PPFIA2: variants seen among roughly 807,000 people sequenced by gnomAD.
PPFIA2 encodes PPFI scaffold protein A2, also known as liprin-alpha-2.
Under a neutral mutation model 175.5 loss-of-function variants are expected in PPFIA2, and 46 were observed. That is an observed-to-expected ratio of 0.26 (90% CI 0.21 to 0.34). The LOEUF (loss-of-function observed/expected upper bound fraction) is 0.34, where lower values mean the gene tolerates loss of function less well. PPFIA2 is among the 10% of genes least tolerant of loss of function. The pLI, the probability that PPFIA2 is intolerant of heterozygous loss-of-function variation, is 1.00. For missense variants in PPFIA2, 1,179 were observed against 1,506.1 expected (o/e 0.78, Z 3.60); for synonymous variants, 568 against 511.4 (o/e 1.11, Z -1.49).
chr12:81,578,458 A>G (rs1052102987), intron 4 of PPFIA2, among the ~76,000 whole-genome samples: 1 of 151,478 alleles, frequency 6.6e-6, no homozygotes, highest in African/African-American at 2.4e-5. Flanking sequence ...TAAAATTAAC[A>G]CCCCTCTGCT....
chr12:81,722,676 T>G (rs191396682), intron 3 of PPFIA2, among the ~76,000 whole-genome samples: 14 of 150,924 alleles, frequency 9.3e-5, no homozygotes, highest in Non-Finnish European at 1.9e-4. Context: ...CCTTCTGGAA[T>G]GCAAATCAGG....
intron 7 of PPFIA2, among the ~76,000 whole-genome samples, chr12:81,436,031 G>A (rs866363185): frequency 3.3e-5 from 5 of 151,782 alleles, no homozygotes; most frequent in Non-Finnish European, 7.4e-5. Flanking sequence ...AAATCTCAGT[G>A]CTTTGGGAGG....
chr12:81,589,749 G>A (rs2058459143), intron 4 of PPFIA2, among the ~76,000 whole-genome samples: 1 of 152,000 alleles, frequency 6.6e-6, no homozygotes, highest in Non-Finnish European at 1.5e-5. Flanking sequence ...GCTGATTTGG[G>A]TACCTTTATG....
At chr12:81,463,805 T>C (rs143134405) in intron 4 of PPFIA2, among the ~76,000 whole-genome samples, 113 of 152,184 alleles carry the variant, frequency 7.4e-4, no homozygotes, top group African/African-American at 2.6e-3. Flanking sequence ...TCCCTCTCAA[T>C]AGTAATTCAG....
At chr12:81,657,402 C>A (rs563528826) in intron 4 of PPFIA2, among the ~76,000 whole-genome samples, 1 of 152,266 alleles carries the variant, frequency 6.6e-6, no homozygotes, top group African/African-American at 2.4e-5. Flanking sequence ...GGAGAAGCAA[C>A]AGAAGCTACC....
intron 7 of PPFIA2, among the ~76,000 whole-genome samples, chr12:81,427,069 C>T (rs1045471601): frequency 6.6e-6 from 1 of 151,928 alleles, no homozygotes; most frequent in Non-Finnish European, 1.5e-5. Context: ...TTGATTTACA[C>T]ATTTTATGTC....
intron 22 of PPFIA2, chr12:81,302,070 G>A (rs1166692063): frequency 4.9e-5 from 15 of 304,824 alleles, no homozygotes; most frequent in South Asian, 2.7e-5. Flanking sequence ...AAATAAATAC[G>A]TGTAAATGTT....
intron 4 of PPFIA2, among the ~76,000 whole-genome samples, chr12:81,654,133 C>T (rs942244750): frequency 1.7e-4 from 25 of 146,090 alleles, no homozygotes; most frequent in African/African-American, 5.3e-4. Context: ...AAAGTACTAG[C>T]GAAGAAGAAA....
At chr12:81,337,126 T>G (rs933226342) in intron 21 of PPFIA2, among the ~76,000 whole-genome samples, 1 of 152,144 alleles carries the variant, frequency 6.6e-6, no homozygotes, top group African/African-American at 2.4e-5. Context: ...ATGTTTTATT[T>G]TTATTTCTTC....
intron 4 of PPFIA2, among the ~76,000 whole-genome samples, chr12:81,613,942 A>C (rs904983295): frequency 5.3e-5 from 8 of 152,142 alleles, no homozygotes; most frequent in African/African-American, 1.7e-4. Flanking sequence ...TCTAACACTT[A>C]AACTTTGGGC....
At chr12:81,688,613 C>T (rs961700153) in intron 3 of PPFIA2, among the ~76,000 whole-genome samples, 1 of 149,512 alleles carries the variant, frequency 6.7e-6, no homozygotes, top group Non-Finnish European at 1.5e-5. Flanking sequence ...AAAAAAAAAA[C>T]TTGGAGATTA....
intron 10 of PPFIA2, 106 bp from the exon 11 acceptor site, chr12:81,374,874 G>T: frequency 9.7e-7 from 1 of 1,026,472 alleles, no homozygotes; most frequent in East Asian, 2.5e-5. Context: ...ATTTAAATCA[G>T]CCACTACCAC....
intron 4 of PPFIA2, among the ~76,000 whole-genome samples, chr12:81,611,585 A>T (rs1471207587): frequency 6.6e-6 from 1 of 152,148 alleles, no homozygotes; most frequent in African/African-American, 2.4e-5. Context: ...AGCTAGGCAC[A>T]GGCCCTGCGG....
intron 16 of PPFIA2, among the ~76,000 whole-genome samples, chr12:81,357,325 G>A (rs945445390): frequency 1.3e-5 from 2 of 152,150 alleles, no homozygotes; most frequent in African/African-American, 4.8e-5. Context: ...ACTGGTGCCA[G>A]TTCAAACCCA....
intron 4 of PPFIA2, among the ~76,000 whole-genome samples, chr12:81,610,197 AT>A (rs981198685): frequency 3.3e-5 from 5 of 151,988 alleles, no homozygotes; most frequent in African/African-American, 1.2e-4. Flanking sequence ...TGCCTTTAAG[AT>A]TTTTTTGTTA....
rs140757813 is a variant in PPFIA2, at chr12:81,506,837, C to T, written c.304-48971G>A. 4.2e-4 allele frequency among the ~76,000 whole-genome samples: 64 copies of T among 152,308 alleles called. No homozygotes were observed. In the East Asian group the frequency reaches 0.011, roughly 27 times the overall value. ...CTGATGTTATAGCACAAAAGCAACA[C>T]AGATAATATGTATACAGCAGGCATG... On this transcript the variant is annotated intron_variant, in intron 4 of 32. Transcript: ENST00000549396.
intron 30 of PPFIA2, among the ~76,000 whole-genome samples, chr12:81,265,600 A>T (rs1414964460): frequency 1.3e-5 from 2 of 152,158 alleles, no homozygotes; most frequent in Non-Finnish European, 2.9e-5. Context: ...TAAAAAATAA[A>T]ATAAAATTGA....
chr12:81,541,907 A>G (rs1159277987), intron 4 of PPFIA2, among the ~76,000 whole-genome samples: 2 of 152,080 alleles, frequency 1.3e-5, no homozygotes, highest in Admixed American at 1.3e-4. Flanking sequence ...CAGACAAGCA[A>G]GCTTTGAAGA....
At chr12:81,330,418 T>C (rs181741051) in intron 21 of PPFIA2, among the ~76,000 whole-genome samples, 16 of 152,314 alleles carry the variant, frequency 1.1e-4, no homozygotes, top group Admixed American at 1.0e-3. Flanking sequence ...CTTCCTTTCC[T>C]TCCCTGAGTA....
Sources: gnomAD v4.1 joint callset for allele counts (sites outside exome capture counted in the v4.1 genomes callset) on GRCh38, gnomAD v4.1.1 for gene constraint, MANE v1.5 for transcripts, NCBI Gene and HGNC (gene_info 2026-07-23, HGNC 2026-07-21) for gene names.